The following MTOR variants were observed in gnomAD, a reference collection of about 807,000 sequenced individuals.
The protein encoded by MTOR is serine/threonine-protein kinase mTOR.
MTOR carries 70 observed loss-of-function variants against 319.8 expected under a neutral mutation model. The observed-to-expected ratio is 0.22, with a 90% CI of 0.18 to 0.27. MTOR has a LOEUF of 0.27. MTOR is among the 10% of genes least tolerant of loss of function. The pLI is 1.00. For synonymous variants in MTOR, 1,183 were observed against 1,211.4 expected, an observed-to-expected ratio of 0.98 and a Z score of 0.49; for missense variants, 1,890 against 3,274.4, an observed-to-expected ratio of 0.58 and a Z score of 10.32.
rs373052413 is a variant in MTOR, at chr1:11,121,967, C to T, written c.6810+12G>A. On this transcript the variant is annotated intron_variant, in intron 48 of 57. Coordinates refer to ENST00000361445, the MANE Select transcript of MTOR (RefSeq NM_004958.4). The surrounding 1 kb of genome is among the most constrained non-coding windows in gnomAD (Gnocchi z 4.9). ...CGGAAGGGGCACTAGCTCTCGTGGC[C>T]GCATCACATACCCGCAACATGATGC... 2.4e-5 allele frequency: 39 copies of T among 1,613,348 alleles called. No individual in the cohort carries two copies. Among genetic ancestry groups the T allele is most frequent in the African/African-American group, 1.2e-4 (9 of 74,902 alleles).
chr1:11,246,327 CTA>C lies in MTOR; in HGVS notation c.1225+1296_1225+1297del, dbSNP rs370701807. Among the ~76,000 whole-genome samples the C allele has an allele frequency of 1.8e-3, 280 of 152,232 alleles. 3 individuals are homozygous for C. Among genetic ancestry groups the C allele is most frequent in the African/African-American group, 6.5e-3 (270 of 41,516 alleles). ...GTGCCAGACTTTGATCAAATTTGGC[CTA>C]GTTATTAGTTCCTTTTGAACCACAG... On this transcript the variant is annotated intron_variant, in intron 8 of 57. Coordinates refer to ENST00000361445, the MANE Select transcript of MTOR (RefSeq NM_004958.4).
In MTOR at chr1:11,162,128, G is replaced by T. The variant is rs549928152; in HGVS notation, c.4330-4837C>A. ...ATGAAAACCATGGCATGAGAACTAC[G>T]TGATGCATGCACAAGCTTCAGTAGC... On this transcript the variant is annotated intron_variant, in intron 29 of 57. Transcript: ENST00000361445. 7.2e-5 allele frequency among the ~76,000 whole-genome samples: 11 copies of T among 152,324 alleles called. No individual in the cohort carries two copies. The East Asian group carries it at 2.1e-3, about 29-fold the overall frequency.
intron 28 of MTOR, among the ~76,000 whole-genome samples, chr1:11,180,153 T>C (rs566811095): frequency 1.3e-5 from 2 of 152,212 alleles, no homozygotes; most frequent in East Asian, 3.9e-4. Flanking sequence ...AATCCTCCTG[T>C]CTTGGCCTCC....
chr1:11,169,615 G>C (rs1175411750), intron 28 of MTOR, among the ~76,000 whole-genome samples: 2 of 152,318 alleles, frequency 1.3e-5, no homozygotes, highest in South Asian at 2.1e-4. Flanking sequence ...CAAAAGGATT[G>C]AAACTTGGGT....
In MTOR at chr1:11,259,312, T is replaced by G; in HGVS notation, c.98A>C (p.Asn33Thr). ...GGCGGCTTTGGCCCTGGTTTCCTCA[T>G]TCCGGCTCTTTAGGCCACTGGCAAA... Reference protein sequence around the residue: ...QQFASGLKSRNEETRAKAAKE... With the variant: ...QQFASGLKSRTEETRAKAAKE... The change falls in exon 2 of 58, where the codon AAT (asparagine) becomes ACT (threonine). Residue 33 changes from asparagine (N) to threonine (T), a missense_variant. Around this residue, in one of 15 missense-constraint regions of MTOR, gnomAD observed 85 missense variants for 105.8 expected, o/e 0.80. Coordinates refer to ENST00000361445, the MANE Select transcript of MTOR (RefSeq NM_004958.4). The G allele has an allele frequency of 6.2e-7, 1 of 1,613,850 alleles. No homozygotes were observed. The highest frequency in any genetic ancestry group is 8.5e-7 in the Non-Finnish European group (1 of 1,179,922).
intron 26 of MTOR, among the ~76,000 whole-genome samples, chr1:11,201,028 A>C (rs1645952981): frequency 6.6e-6 from 1 of 151,830 alleles, no homozygotes; most frequent in African/African-American, 2.4e-5. Flanking sequence ...AAAAAAAAAA[A>C]AATTAAAAGT....
intron 13 of MTOR, among the ~76,000 whole-genome samples, chr1:11,236,846 G>C (rs543343678): frequency 6.6e-6 from 1 of 152,136 alleles, no homozygotes; most frequent in South Asian, 2.1e-4. Context: ...TATAACTGAG[G>C]AATGTTTTTA....
intron 49 of MTOR, among the ~76,000 whole-genome samples, chr1:11,119,469 G>T (rs1351415915): frequency 2.0e-5 from 3 of 151,348 alleles, no homozygotes; most frequent in Non-Finnish European, 4.4e-5. Context: ...TACTTGGGAG[G>T]CTGAGGCAGA....
intron 28 of MTOR, among the ~76,000 whole-genome samples, chr1:11,181,922 A>G (rs565924069): frequency 1.3e-5 from 2 of 152,304 alleles, no homozygotes; most frequent in South Asian, 4.1e-4. Flanking sequence ...GATACACAAA[A>G]AAGTACAAAC....
At chr1:11,241,524 C>T (rs1230890020) in intron 10 of MTOR, 29 bp downstream of exon 10, 2 of 1,592,702 alleles carry the variant, frequency 1.3e-6, no homozygotes, top group Non-Finnish European at 8.6e-7. Context: ...CACGCTGATA[C>T]AGGGCAAGCT....
chr1:11,240,605 T>C lies in MTOR; in HGVS notation c.1542-58A>G, dbSNP rs533871989. ...GGGCACATGACACTCAGTCTGTTCTTGGGAAGAAACAGCTTTCTCTCCCAG... is the reference window on the plus strand; with the variant it reads ...GGGCACATGACACTCAGTCTGTTCTCGGGAAGAAACAGCTTTCTCTCCCAG... On this transcript the variant is annotated intron_variant, in intron 10 of 57. Coordinates refer to ENST00000361445, the MANE Select transcript of MTOR (RefSeq NM_004958.4). 9 of 1,566,536 alleles carry C rather than the reference T, an allele frequency of 5.7e-6. No individual in the cohort carries two copies. In the Admixed American group the frequency reaches 1.5e-4, roughly 26 times the overall value.
chr1:11,218,275 C>T (rs772438174), intron 19 of MTOR, among the ~76,000 whole-genome samples: 12 of 151,858 alleles, frequency 7.9e-5, no homozygotes, highest in South Asian at 2.1e-4. Context: ...ACTAAAAATA[C>T]AAAATTTAGC....
In MTOR at chr1:11,157,205, G is replaced by A. The variant is rs17229193; in HGVS notation, c.4416C>T (p.Asp1472=). ...AYDKKMDTNK[D]DPELMLGRMR... ...TGCGGCCCAGCATCAGCTCTGGGTCGTCCTTGTTGGTGTCCATTTTCTTGT... is the reference window on the plus strand; with the variant it reads ...TGCGGCCCAGCATCAGCTCTGGGTCATCCTTGTTGGTGTCCATTTTCTTGT... The change falls in exon 30 of 58, where the codon GAC becomes GAT. Residue 1472 remains aspartate, a synonymous_variant. Transcript: ENST00000361445. 598 of 1,613,998 alleles carry A rather than the reference G, an allele frequency of 3.7e-4. 4 individuals carry two copies. The African/African-American group carries it at 6.7e-3, about 18-fold the overall frequency.
rs993385604 is a variant in MTOR at position 11,115,776 on chromosome 1, T to C, written c.7017-308A>G. On this transcript the variant is annotated intron_variant, in intron 50 of 57. Transcript: ENST00000361445. This position sits in a 1 kb window ranked among gnomAD's most constrained non-coding sequence, Gnocchi z 4.5. The stretch of plus-strand genomic sequence containing the variant: ...TTTACAGAAACAGTTTGCCAACTCC[T>C]GCTGAAATGTGGGCTTATGTGTGAA... The C allele has an allele frequency of 3.9e-5, 12 of 307,464 alleles. No homozygotes were observed. The highest frequency in any genetic ancestry group is 2.1e-4 in the African/African-American group (10 of 47,536). The allele number at this position is 307,464 out of a possible 1,614,324, so 19.0% of individuals were successfully genotyped here.
chr1:11,206,763 C>T (rs957930010), intron 25 of MTOR, among the ~76,000 whole-genome samples: 19 of 152,198 alleles, frequency 1.2e-4, no homozygotes, highest in Non-Finnish European at 1.5e-5. Flanking sequence ...TCTTGCCATC[C>T]ACCCACTGCT....
intron 33 of MTOR, 25 bp downstream of exon 33, chr1:11,144,943 A>C (rs1372426964): frequency 6.2e-7 from 1 of 1,610,300 alleles, no homozygotes; most frequent in Non-Finnish European, 8.5e-7. Context: ...CAAAAATGAC[A>C]ATGTGCAGAA....
chr1:11,254,122 CTCTTT>C, intron 5 of MTOR, 149 bp from the exon 6 acceptor site: 1 of 907,386 alleles, frequency 1.1e-6, no homozygotes, highest in East Asian at 2.6e-5. Flanking sequence ...ACTGATCAAT[CTCTTT>C]TATTTAATTC....
At chr1:11,206,217 G>A (rs1646133338) in intron 25 of MTOR, among the ~76,000 whole-genome samples, 1 of 152,206 alleles carries the variant, frequency 6.6e-6, no homozygotes, top group Non-Finnish European at 1.5e-5. Context: ...TACAAGATGG[G>A]TTTGTGTGTA....
intron 19 of MTOR, among the ~76,000 whole-genome samples, chr1:11,217,610 A>T (rs1358229556): frequency 6.7e-6 from 1 of 148,580 alleles, no homozygotes; most frequent in East Asian, 2.0e-4. Flanking sequence ...ACAGGGTTTC[A>T]CCGTGTTAGC....
Sources: allele counts gnomAD v4.1 joint callset (sites outside exome capture counted in the v4.1 genomes callset), GRCh38; gene constraint gnomAD v4.1.1; regional missense constraint gnomAD v4.1.1; non-coding constraint Gnocchi (gnomAD v3.1); transcripts MANE v1.5; gene names NCBI Gene and HGNC (gene_info 2026-07-23, HGNC 2026-07-21).